The following RGSL1 variants were observed in gnomAD, a reference collection of about 807,000 sequenced individuals.
RGSL1 encodes the protein regulator of G protein signaling like 1.
In RGSL1, 97 loss-of-function variants were observed where a neutral mutation model predicts 124.7. The ratio of observed to expected loss-of-function variants is 0.78; its 90% confidence interval spans 0.66 to 0.92. RGSL1 has a LOEUF of 0.92. RGSL1 is among the 40% of genes least tolerant of loss of function. RGSL1 has a pLI of 0.00. For synonymous variants in RGSL1, 424 were observed against 438.1 expected (o/e 0.97, Z 0.40); for missense variants, 1,233 against 1,288.4 (o/e 0.96, Z 0.66).
intron 15 of RGSL1, among the ~76,000 whole-genome samples, chr1:182,541,472 A>C (rs929549247): frequency 6.6e-6 from 1 of 152,180 alleles, no homozygotes; most frequent in African/African-American, 2.4e-5. Context: ...TTAACCATTC[A>C]TCCACTGATG....
At position 182,453,940 on chromosome 1, in the gene RGSL1, T is replaced by TTC; in HGVS notation, c.14-9_14-8dup. ...TCTGGTTCATGTTTTGTTTTTTTATTTCTCTCTCTCCATATAGAGATAATT... is the reference window on the plus strand; with the variant it reads ...TCTGGTTCATGTTTTGTTTTTTTATTTCTCTCTCTCTCCATATAGAGATAATT... On this transcript the variant is annotated splice_polypyrimidine_tract_variant and intron_variant, in intron 1 of 21. Coordinates refer to ENST00000294854, the MANE Select transcript of RGSL1 (RefSeq NM_001137669.2). 3 of 1,322,120 alleles carry TTC rather than the reference T, an allele frequency of 2.3e-6. No homozygotes were observed. The highest frequency in any genetic ancestry group is 3.2e-6 in the Non-Finnish European group (3 of 943,410). 81.9% of individuals were successfully genotyped at this position (1,322,120 alleles called of 1,614,324 possible).
chr1:182,554,064 A>T (rs1472657063), intron 19 of RGSL1, among the ~76,000 whole-genome samples: 2 of 152,120 alleles, frequency 1.3e-5, no homozygotes, highest in Non-Finnish European at 2.9e-5. Flanking sequence ...CTTCAGTCTC[A>T]AGGAGTCAAC....
Position 182,554,669 on chromosome 1 carries a change from C to A in RGSL1, c.3173C>A (p.Ala1058Asp), listed in dbSNP as rs1426740613. The change falls in exon 20 of 22, where the codon GCC becomes GAC. Residue 1058 changes from alanine to aspartate, a missense_variant. Ala to Asp is a moderately radical substitution (Grantham distance 126). Coordinates refer to ENST00000294854, the MANE Select transcript of RGSL1 (RefSeq NM_001137669.2). Reference protein sequence around the residue: ...KLTQPRLVVSAMQLHPVQGQK... With the variant: ...KLTQPRLVVSDMQLHPVQGQK... ...ACTCAGCCAAGACTCGTGGTATCTGCCATGCAGCTGCATCCCGTCCAGGGG... is the reference window on the plus strand; with the variant it reads ...ACTCAGCCAAGACTCGTGGTATCTGACATGCAGCTGCATCCCGTCCAGGGG... 4.5e-6 allele frequency: 7 copies of A among 1,551,704 alleles called. No homozygotes were observed. Among genetic ancestry groups the A allele is most frequent in the Non-Finnish European group, 6.1e-6 (7 of 1,146,990 alleles).
intron 11 of RGSL1, 34 bp from the exon 12 acceptor site, chr1:182,530,210 G>C (rs1428693586): frequency 6.8e-7 from 1 of 1,479,420 alleles, no homozygotes; most frequent in African/African-American, 1.4e-5. Context: ...GGTAGATGAG[G>C]ATTACAGCTT....
Position 182,556,190 on chromosome 1 carries a change from C to A in RGSL1, c.*133C>A. 1 of 852,112 alleles carries A rather than the reference C, an allele frequency of 1.2e-6. No homozygotes were observed. The highest frequency in any genetic ancestry group is 1.8e-6 in the Non-Finnish European group (1 of 544,344). The allele number at this position is 852,112 out of a possible 1,614,324, so 52.8% of individuals were successfully genotyped here. A position where few individuals can be genotyped will look rare whatever the true frequency, so the allele number is the denominator to read the frequency against. On this transcript the variant is annotated 3_prime_UTR_variant, in exon 21 of 22. Coordinates refer to ENST00000294854, the MANE Select transcript of RGSL1 (RefSeq NM_001137669.2). ...ACGATCAAGAAGGGCAATGGGTTGA[C>A]AGCCCAGATATGGCAGGACCAGACT...
intron 7 of RGSL1, chr1:182,488,655 G>A (rs1655282290): frequency 2.9e-6 from 1 of 350,272 alleles, no homozygotes. Context: ...GAACCCGGGA[G>A]GCGGAGCTTG....
intron 10 of RGSL1, among the ~76,000 whole-genome samples, chr1:182,526,577 C>T (rs996813047): frequency 5.9e-5 from 9 of 151,770 alleles, no homozygotes; most frequent in Non-Finnish European, 1.0e-4. Flanking sequence ...GGGGGCTAAG[C>T]AGGGAGATCA....
intron 4 of RGSL1, among the ~76,000 whole-genome samples, chr1:182,466,502 A>C (rs529359352): frequency 6.6e-6 from 1 of 152,298 alleles, no homozygotes; most frequent in South Asian, 2.1e-4. Flanking sequence ...AAACAAAACA[A>C]AACAAAAAAT....
At chr1:182,533,648 A>G (rs1252435512) in intron 14 of RGSL1, among the ~76,000 whole-genome samples, 1 of 152,196 alleles carries the variant, frequency 6.6e-6, no homozygotes, top group African/African-American at 2.4e-5. Flanking sequence ...ATTACTTTGT[A>G]TCTCCATTTT....
At chr1:182,554,847 A>T (rs1439608788) in intron 20 of RGSL1, 154 bp downstream of exon 20, 1 of 717,626 alleles carries the variant, frequency 1.4e-6, no homozygotes, top group Non-Finnish European at 2.3e-6. Context: ...CTCTGGTGGG[A>T]AGTTAAAGAG....
intron 6 of RGSL1, among the ~76,000 whole-genome samples, chr1:182,487,373 G>T (rs1655168502): frequency 6.6e-6 from 1 of 152,076 alleles, no homozygotes; most frequent in Admixed American, 6.6e-5. Context: ...TTCCTCTCTT[G>T]CCACTTCCCC....
chr1:182,511,913 T>G (rs560621259), intron 9 of RGSL1, among the ~76,000 whole-genome samples: 2 of 152,312 alleles, frequency 1.3e-5, no homozygotes, highest in East Asian at 3.9e-4. Flanking sequence ...TTTTGTTTCT[T>G]TCATCAGCGT....
At chr1:182,477,361 A>G (rs267900) in intron 6 of RGSL1, among the ~76,000 whole-genome samples, 61,697 of 151,938 alleles carry the variant, frequency 0.41, 13,337 homozygotes, top group African/African-American at 0.53. Flanking sequence ...CCTGTTAACG[A>G]CCCAATGCCT....
intron 6 of RGSL1, among the ~76,000 whole-genome samples, chr1:182,480,734 G>A (rs1277786126): frequency 2.0e-5 from 3 of 152,146 alleles, no homozygotes; most frequent in Non-Finnish European, 4.4e-5. Context: ...GGGATTACAG[G>A]CGTGAGCCAC....
chr1:182,545,640 C>G (rs1181380633), intron 15 of RGSL1, among the ~76,000 whole-genome samples: 1 of 152,212 alleles, frequency 6.6e-6, no homozygotes, highest in Non-Finnish European at 1.5e-5. Context: ...AAGGCTCTCT[C>G]TCCTTCACAG....
intron 2 of RGSL1, among the ~76,000 whole-genome samples, 195 bp from the exon 3 acceptor site, chr1:182,458,124 G>A (rs530200312): frequency 3.9e-5 from 6 of 152,352 alleles, no homozygotes; most frequent in Non-Finnish European, 5.9e-5. Flanking sequence ...TGAGTGAATC[G>A]TGCAATTCAG....
At chr1:182,560,068 G>C (rs955318988) in intron 21 of RGSL1, among the ~76,000 whole-genome samples, 1 of 152,188 alleles carries the variant, frequency 6.6e-6, no homozygotes, top group Non-Finnish European at 1.5e-5. Context: ...GAATTGTGCT[G>C]GGTGCTGGAA....
upstream of RGSL1, among the ~76,000 whole-genome samples, chr1:182,448,660 C>A (rs995806112): frequency 6.6e-6 from 1 of 152,112 alleles, no homozygotes; most frequent in Non-Finnish European, 1.5e-5. Flanking sequence ...TAACAACAAC[C>A]CTGTCAATAA....
chr1:182,521,976 T>G, intron 9 of RGSL1, 28 bp from the exon 10 acceptor site: 1 of 1,395,118 alleles, frequency 7.2e-7, no homozygotes. Flanking sequence ...TAATATAGTG[T>G]TCTCCAACTT....
Sources: gnomAD v4.1 joint callset for allele counts (sites outside exome capture counted in the v4.1 genomes callset) on GRCh38, gnomAD v4.1.1 for gene constraint, MANE v1.5 for transcripts, NCBI Gene and HGNC (gene_info 2026-07-23, HGNC 2026-07-21) for gene names.